ELAVL4: variants seen among roughly 807,000 people sequenced by gnomAD.
ELAVL4 encodes the protein ELAV like RNA binding protein 4.
A neutral mutation model predicts 35.6 loss-of-function variants in ELAVL4; 1 was observed. The observed-to-expected ratio is 0.03, with a 90% CI of 0.01 to 0.13. The LOEUF is 0.13. Among genes scored for constraint, ELAVL4 ranks in the 10% least tolerant of loss-of-function variants. The probability of loss-of-function intolerance (pLI) is 1.00; values close to 1 mark genes in which losing one functional copy is unlikely to be tolerated. For synonymous variants in ELAVL4, 156 were observed against 171.0 expected, an observed-to-expected ratio of 0.91 and a Z score of 0.69; for missense variants, 267 against 464.9, an observed-to-expected ratio of 0.57 and a Z score of 3.91.
At chr1:50,157,482 T>C (rs1675964443) in intron 2 of ELAVL4, among the ~76,000 whole-genome samples, 2 of 152,242 alleles carry the variant, frequency 1.3e-5, no homozygotes, top group South Asian at 4.1e-4. Context: ...TTTGCTCAGT[T>C]ATCTGCGTAC....
At chr1:50,105,039 C>T (rs1208782617), upstream of ELAVL4, among the ~76,000 whole-genome samples, 1 of 152,132 alleles carries the variant, frequency 6.6e-6, no homozygotes, top group African/African-American at 2.4e-5. Context: ...TATCACTATT[C>T]ATATAATTGT....
At position 50,128,057 on chromosome 1, in the gene ELAVL4, G is replaced by T. The variant is rs1335253469; in HGVS notation, c.10-16900G>T. On this transcript the variant is annotated intron_variant, in intron 1 of 6. Transcript: ENST00000371824. ...AAACTCTTAAAGGTAGAAATGTTCT[G>T]CAGGGCTGTGAACCTCAAGATGGTA... Among the ~76,000 whole-genome samples the T allele has an allele frequency of 2.0e-5, 3 of 152,224 alleles. No individual in the cohort carries two copies. The East Asian group carries it at 5.8e-4, about 30-fold the overall frequency.
intron 1 of ELAVL4, among the ~76,000 whole-genome samples, chr1:50,075,313 T>C (rs556227398): frequency 1.3e-5 from 2 of 152,318 alleles, no homozygotes; most frequent in African/African-American, 4.8e-5. Flanking sequence ...AGCATGAGTT[T>C]TTTCCTTCAT....
At chr1:50,100,392 G>A (rs968153934), upstream of ELAVL4, among the ~76,000 whole-genome samples, 1 of 152,154 alleles carries the variant, frequency 6.6e-6, no homozygotes, top group African/African-American at 2.4e-5. Flanking sequence ...GCCTTCATAG[G>A]GGTTCTGGCT....
chr1:50,054,941 C>CTGGCTAGCAGTGGCTAGCAG, intron 1 of ELAVL4, among the ~76,000 whole-genome samples: 1 of 152,342 alleles, frequency 6.6e-6, no homozygotes, highest in East Asian at 1.9e-4. Context: ...TTCCAGGTTA[C>CTGGCTAGCAGTGGCTAGCAG]TGGCTAGCAG....
chr1:50,165,593 T>TAAG (rs912879530), intron 2 of ELAVL4, among the ~76,000 whole-genome samples: 1 of 147,932 alleles, frequency 6.8e-6, no homozygotes, highest in African/African-American at 2.5e-5. Context: ...TGTATACATA[T>TAAG]ATACGTGTAT....
chr1:50,082,895 T>C (rs1241440481), intron 1 of ELAVL4, among the ~76,000 whole-genome samples: 1 of 152,178 alleles, frequency 6.6e-6, no homozygotes, highest in African/African-American at 2.4e-5. Flanking sequence ...TACCCACCTG[T>C]ATTTACAAAC....
intron 3 of ELAVL4, chr1:50,179,923 G>T (rs1229591541): frequency 1.3e-5 from 2 of 152,172 alleles, no homozygotes; most frequent in Non-Finnish European, 2.9e-5. Context: ...CAGCTATTCT[G>T]CTGCTGCTGC....
chr1:50,076,393 G>T (rs1414988518), intron 1 of ELAVL4, among the ~76,000 whole-genome samples: 3 of 152,104 alleles, frequency 2.0e-5, no homozygotes, highest in Non-Finnish European at 4.4e-5. Flanking sequence ...TGTTATAGTT[G>T]TTCTATTTTA....
intron 1 of ELAVL4, among the ~76,000 whole-genome samples, chr1:50,140,621 C>A (rs898167013): frequency 3.3e-5 from 5 of 151,970 alleles, no homozygotes; most frequent in African/African-American, 9.7e-5. Flanking sequence ...GCCTGTGTTG[C>A]ATCCTAAGAT....
upstream of ELAVL4, among the ~76,000 whole-genome samples, chr1:50,105,510 T>TA (rs1293123520): frequency 6.6e-5 from 10 of 152,202 alleles, no homozygotes; most frequent in African/African-American, 2.4e-4. Context: ...TCTTGCCTGT[T>TA]AAGATGCTAG....
chr1:50,185,963 A>G (rs1391459615), intron 3 of ELAVL4, among the ~76,000 whole-genome samples: 1 of 152,156 alleles, frequency 6.6e-6, no homozygotes, highest in Admixed American at 6.5e-5. Flanking sequence ...TATTCCACTA[A>G]CCAGGCCATG....
In ELAVL4 at chr1:50,109,089, A is replaced by G. The variant is rs1027423880; in HGVS notation, c.-101A>G. On this transcript the variant is annotated 5_prime_UTR_variant, in exon 1 of 7. Transcript: ENST00000371824. ...CACTGTGTTTTGTGGATCTTTAATTATATATAACAATAGTAGTCATTTTAA... is the reference window on the plus strand; with the variant it reads ...CACTGTGTTTTGTGGATCTTTAATTGTATATAACAATAGTAGTCATTTTAA... The G allele has an allele frequency of 9.4e-6, 11 of 1,169,082 alleles. No individual in the cohort carries two copies. The African/African-American group carries it at 1.8e-4, about 19-fold the overall frequency. 72.4% of individuals were successfully genotyped at this position (1,169,082 alleles called of 1,614,324 possible). A position where few individuals can be genotyped will look rare whatever the true frequency, so the allele number is the denominator to read the frequency against.
At chr1:50,159,674 G>T (rs546131311) in intron 2 of ELAVL4, among the ~76,000 whole-genome samples, 2 of 151,946 alleles carry the variant, frequency 1.3e-5, no homozygotes. Flanking sequence ...CTAACACGAC[G>T]TGAAAAGGAA....
At chr1:50,181,858 T>C (rs962824300) in intron 3 of ELAVL4, among the ~76,000 whole-genome samples, 11 of 152,180 alleles carry the variant, frequency 7.2e-5, no homozygotes, top group African/African-American at 2.7e-4. Flanking sequence ...TAATTTTGTA[T>C]TTTTAGTAGA....
upstream of ELAVL4, chr1:50,106,280 C>T: frequency 6.2e-7 from 1 of 1,606,732 alleles, no homozygotes; most frequent in Admixed American, 1.7e-5. Flanking sequence ...GCGACTGATG[C>T]TGAGATATCT....
intron 1 of ELAVL4, among the ~76,000 whole-genome samples, chr1:50,067,228 C>G (rs1371859709): frequency 6.6e-6 from 1 of 152,122 alleles, no homozygotes; most frequent in Non-Finnish European, 1.5e-5. Context: ...AAGGAAGCAA[C>G]AGAAATGTGG....
chr1:50,076,108 C>T (rs1268439202), intron 1 of ELAVL4, among the ~76,000 whole-genome samples: 1 of 152,152 alleles, frequency 6.6e-6, no homozygotes, highest in Non-Finnish European at 1.5e-5. Context: ...GGATTACAGG[C>T]ATGAGCCACC....
At chr1:50,163,593 G>T (rs550394770) in intron 2 of ELAVL4, among the ~76,000 whole-genome samples, 56 of 152,246 alleles carry the variant, frequency 3.7e-4, no homozygotes, top group African/African-American at 1.3e-3. Context: ...TTGGGAGGTC[G>T]AGGCGGCAGA....
Sources: allele counts gnomAD v4.1 joint callset (sites outside exome capture counted in the v4.1 genomes callset), GRCh38; gene constraint gnomAD v4.1.1; transcripts MANE v1.5; gene names NCBI Gene and HGNC (gene_info 2026-07-23, HGNC 2026-07-21).